Variants in FHIT observed in about 807,000 individuals in gnomAD.
FHIT encodes the protein fragile histidine triad diadenosine triphosphatase, also known as bis(5'-adenosyl)-triphosphatase.
FHIT carries 19 observed loss-of-function variants against 17.9 expected under a neutral mutation model. The observed-to-expected ratio is 1.06, with a 90% CI of 0.74 to 1.56. FHIT has a LOEUF of 1.56. FHIT is among the 40% of genes most tolerant of loss of function. FHIT has a pLI of 0.00. For synonymous variants in FHIT, 81 were observed against 69.7 expected (o/e 1.16, Z -0.81); for missense variants, 248 against 189.2 (o/e 1.31, Z -1.82).
chr3:60,261,904 G>T (rs534344830), intron 5 of FHIT, among the ~76,000 whole-genome samples: 1 of 152,026 alleles, frequency 6.6e-6, no homozygotes, highest in Non-Finnish European at 1.5e-5. Context: ...AAGGGACACA[G>T]AAGAATCTGA....
chr3:61,013,536 T>C (rs1438066763), intron 3 of FHIT, among the ~76,000 whole-genome samples: 1 of 152,204 alleles, frequency 6.6e-6, no homozygotes, highest in African/African-American at 2.4e-5. Flanking sequence ...GCTTTGATTC[T>C]GTAGCAGATT....
At chr3:59,755,170 A>C (rs2106749926) in intron 8 of FHIT, among the ~76,000 whole-genome samples, 1 of 152,332 alleles carries the variant, frequency 6.6e-6, no homozygotes, top group South Asian at 2.1e-4. Flanking sequence ...GTCCTTTGCA[A>C]ACCTTGCCCT....
At chr3:61,134,396 G>A (rs542292616) in intron 2 of FHIT, among the ~76,000 whole-genome samples, 2 of 152,150 alleles carry the variant, frequency 1.3e-5, no homozygotes, top group African/African-American at 4.8e-5. Context: ...CTTCTACTAT[G>A]GTCCAAGCAT....
At chr3:60,948,014 A>G (rs1553776143) in intron 3 of FHIT, among the ~76,000 whole-genome samples, 1 of 152,172 alleles carries the variant, frequency 6.6e-6, no homozygotes, top group Non-Finnish European at 1.5e-5. Context: ...CCTAAAATAT[A>G]TAATTAAGAT....
intron 2 of FHIT, among the ~76,000 whole-genome samples, chr3:61,043,353 C>T (rs895538231): frequency 2.6e-5 from 4 of 152,080 alleles, no homozygotes; most frequent in Non-Finnish European, 4.4e-5. Flanking sequence ...GAGGGTCCCA[C>T]GCCCACGGAG....
chr3:60,422,056 T>TA (rs1003806302), intron 5 of FHIT, among the ~76,000 whole-genome samples: 3 of 152,158 alleles, frequency 2.0e-5, no homozygotes, highest in Admixed American at 6.6e-5. Flanking sequence ...TCTGACATCT[T>TA]AAATGCCTCT....
chr3:61,102,804 T>C (rs1453277045), intron 2 of FHIT, among the ~76,000 whole-genome samples: 2 of 151,252 alleles, frequency 1.3e-5, no homozygotes, highest in Admixed American at 1.3e-4. Context: ...GTCCAGGAAT[T>C]TATCCATTTC....
At chr3:60,068,972 T>C (rs1469993894) in intron 5 of FHIT, among the ~76,000 whole-genome samples, 1 of 152,222 alleles carries the variant, frequency 6.6e-6, no homozygotes, top group East Asian at 1.9e-4. Flanking sequence ...TAAATTATGG[T>C]ACTTCCATAC....
chr3:60,334,680 G>A (rs574480064), intron 5 of FHIT, among the ~76,000 whole-genome samples: 2 of 152,302 alleles, frequency 1.3e-5, no homozygotes, highest in South Asian at 4.1e-4. Flanking sequence ...CCAGCTACAT[G>A]GGAGGCTGAG....
chr3:60,922,950 CT>C (rs1707362245), intron 3 of FHIT, among the ~76,000 whole-genome samples: 1 of 152,220 alleles, frequency 6.6e-6, no homozygotes, highest in South Asian at 2.1e-4. Flanking sequence ...TTGAATAACA[CT>C]TGATCATTAA....
At chr3:59,998,014 G>A (rs3856657) in intron 7 of FHIT, among the ~76,000 whole-genome samples, 1 of 152,170 alleles carries the variant, frequency 6.6e-6, no homozygotes, top group Admixed American at 6.6e-5. Context: ...ACAGTTAGCA[G>A]TAATTTATCA....
chr3:59,776,704 A>G (rs1387098564), intron 8 of FHIT, among the ~76,000 whole-genome samples: 1 of 152,166 alleles, frequency 6.6e-6, no homozygotes, highest in East Asian at 1.9e-4. Flanking sequence ...CCCTTCAATA[A>G]TAATCAGAGC....
At chr3:60,062,417 T>C (rs1702330311) in intron 5 of FHIT, among the ~76,000 whole-genome samples, 1 of 152,208 alleles carries the variant, frequency 6.6e-6, no homozygotes, top group Admixed American at 6.5e-5. Context: ...TTCCAAGTAC[T>C]GTGCTGGATG....
intron 2 of FHIT, among the ~76,000 whole-genome samples, chr3:61,065,476 G>T (rs1035921277): frequency 5.9e-5 from 9 of 152,104 alleles, no homozygotes; most frequent in African/African-American, 2.2e-4. Flanking sequence ...GTGACCCTGA[G>T]ATCAAGAAGG....
intron 8 of FHIT, among the ~76,000 whole-genome samples, chr3:59,773,392 C>T (rs1035790027): frequency 2.0e-5 from 3 of 152,112 alleles, no homozygotes; most frequent in Admixed American, 6.5e-5. Context: ...CTAGAGGGTC[C>T]AAAAAGCTGC....
intron 5 of FHIT, among the ~76,000 whole-genome samples, chr3:60,205,727 G>T (rs148211773): frequency 4.9e-4 from 74 of 152,252 alleles, no homozygotes; most frequent in Non-Finnish European, 9.0e-4. Context: ...TTACATATAT[G>T]AATACGTATG....
At chr3:60,538,340 G>A (rs2036062024) in intron 4 of FHIT, among the ~76,000 whole-genome samples, 1 of 151,872 alleles carries the variant, frequency 6.6e-6, no homozygotes, top group Non-Finnish European at 1.5e-5. Context: ...GGAAGAACCA[G>A]TATTGAGAAA....
chr3:60,708,025 A>G (rs542857157), intron 4 of FHIT, among the ~76,000 whole-genome samples: 20 of 152,354 alleles, frequency 1.3e-4, no homozygotes, highest in African/African-American at 4.8e-4. Flanking sequence ...TTGGGGTATT[A>G]TAAATAATGC....
intron 5 of FHIT, among the ~76,000 whole-genome samples, chr3:60,336,569 G>C (rs1452259435): frequency 2.0e-5 from 3 of 152,092 alleles, no homozygotes; most frequent in African/African-American, 4.8e-5. Flanking sequence ...AATCTAAATA[G>C]ATCTGTGCTA....
Sources: allele counts gnomAD v4.1 joint callset (sites outside exome capture counted in the v4.1 genomes callset), GRCh38; gene constraint gnomAD v4.1.1; transcripts MANE v1.5; gene names NCBI Gene and HGNC (gene_info 2026-07-23, HGNC 2026-07-21).